Variants in FNBP1L observed in about 807,000 individuals in gnomAD.
FNBP1L encodes the protein formin binding protein 1 like.
FNBP1L carries 36 observed loss-of-function variants against 91.2 expected under a neutral mutation model. That is an observed-to-expected ratio of 0.39 (90% CI 0.30 to 0.52). The LOEUF (loss-of-function observed/expected upper bound fraction) is 0.52. Among genes scored for constraint, FNBP1L ranks in the 20% least tolerant of loss-of-function variants. FNBP1L has a pLI of 0.66. For synonymous variants in FNBP1L, 242 were observed against 237.0 expected (o/e 1.02, Z -0.19); for missense variants, 571 against 732.1 (o/e 0.78, Z 2.54).
intron 2 of FNBP1L, among the ~76,000 whole-genome samples, chr1:93,515,820 C>A (rs193054266): frequency 1.6e-3 from 250 of 151,572 alleles, no homozygotes; most frequent in Non-Finnish European, 2.8e-3. Flanking sequence ...TGCTAGATGA[C>A]GAGTTAGTGA....
chr1:93,523,518 G>A, intron 4 of FNBP1L, 27 bp downstream of exon 4: 1 of 1,579,990 alleles, frequency 6.3e-7, no homozygotes, highest in Non-Finnish European at 8.6e-7. Flanking sequence ...TCATCCAATT[G>A]CAATAGTATA....
Position 93,524,323 on chromosome 1 carries a change from T to C in FNBP1L, c.405T>C (p.Asn135=), listed in dbSNP as rs745858363. The change falls in exon 5 of 17, where the codon AAT becomes AAC. Residue 135 remains asparagine (N), a splice_region_variant and synonymous_variant. Coordinates refer to ENST00000271234, the MANE Select transcript of FNBP1L (RefSeq NM_001164473.3). ...ACATGTGCTGGAAACAGATGGATAATGTGAGTTATGACATTTTCATGGTTA... is the reference window on the plus strand; with the variant it reads ...ACATGTGCTGGAAACAGATGGATAACGTGAGTTATGACATTTTCATGGTTA... The part of the protein sequence containing the change: ...YLDMCWKQMD[N]SKKKFERECR... 108 of 1,497,144 alleles carry C rather than the reference T, an allele frequency of 7.2e-5. 1 individual carries two copies. Among genetic ancestry groups the C allele is most frequent in the Non-Finnish European group, 2.8e-5 (31 of 1,121,730 alleles). The allele number at this position is 1,497,144 out of a possible 1,614,324, so 92.7% of individuals were successfully genotyped here. A position where few individuals can be genotyped will look rare whatever the true frequency, so the allele number is the denominator to read the frequency against.
chr1:93,448,231 G>GCCGACAGACTGAAGGACAGCGGCA lies in FNBP1L; in HGVS notation c.-47_-24dup. The GCCGACAGACTGAAGGACAGCGGCA allele has an allele frequency of 6.6e-7, 1 of 1,520,332 alleles. No individual in the cohort carries two copies. Among genetic ancestry groups the GCCGACAGACTGAAGGACAGCGGCA allele is most frequent in the East Asian group, 2.8e-5 (1 of 36,050 alleles). The allele number at this position is 1,520,332 out of a possible 1,614,324, so 94.2% of individuals were successfully genotyped here. On this transcript the variant is annotated 5_prime_UTR_variant, in exon 1 of 17. Coordinates refer to ENST00000271234, the MANE Select transcript of FNBP1L (RefSeq NM_001164473.3). ...AGTGAGAGGTCGGACAGACTGTGGAGCCGACAGACTGAAGGACAGCGGCAC... is the reference window on the plus strand; with the variant it reads ...AGTGAGAGGTCGGACAGACTGTGGAGCCGACAGACTGAAGGACAGCGGCACCGACAGACTGAAGGACAGCGGCAC...
chr1:93,463,973 A>G (rs1668986079), intron 1 of FNBP1L, among the ~76,000 whole-genome samples: 1 of 152,200 alleles, frequency 6.6e-6, no homozygotes, highest in African/African-American at 2.4e-5. Context: ...GCATAATGCC[A>G]TGAATCCAAG....
chr1:93,499,189 G>T (rs1670362895), intron 1 of FNBP1L, among the ~76,000 whole-genome samples: 1 of 152,144 alleles, frequency 6.6e-6, no homozygotes, highest in Non-Finnish European at 1.5e-5. Flanking sequence ...GGATAGGGGG[G>T]ATTTGGGGAA....
intron 1 of FNBP1L, among the ~76,000 whole-genome samples, chr1:93,458,568 A>AT (rs1668753302): frequency 1.3e-5 from 2 of 152,206 alleles, no homozygotes. Context: ...CTGGGCAGAG[A>AT]TTTTTTAGTT....
At chr1:93,464,859 G>C (rs1228051788) in intron 1 of FNBP1L, among the ~76,000 whole-genome samples, 1 of 152,126 alleles carries the variant, frequency 6.6e-6, no homozygotes, top group Non-Finnish European at 1.5e-5. Context: ...ATTGAGGCTT[G>C]AGTATAACAT....
intron 1 of FNBP1L, among the ~76,000 whole-genome samples, chr1:93,452,243 A>T (rs932314701): frequency 3.3e-5 from 5 of 152,184 alleles, no homozygotes; most frequent in Admixed American, 3.3e-4. Context: ...TTAATAGTTG[A>T]TTGCATTACC....
intron 1 of FNBP1L, among the ~76,000 whole-genome samples, chr1:93,455,531 C>A (rs957136720): frequency 6.6e-6 from 1 of 152,172 alleles, no homozygotes; most frequent in African/African-American, 2.4e-5. Flanking sequence ...GCATCCATGG[C>A]GAATACCAAT....
intron 1 of FNBP1L, among the ~76,000 whole-genome samples, chr1:93,454,336 CTGTG>C (rs55899862): frequency 2.5e-4 from 38 of 149,170 alleles, no homozygotes; most frequent in East Asian, 5.9e-4. Flanking sequence ...ATGGGTGTGT[CTGTG>C]TGTGTGTGTG....
intron 13 of FNBP1L, 149 bp from the exon 14 acceptor site, chr1:93,547,198 G>C (rs1471065866): frequency 1.1e-6 from 1 of 879,346 alleles, no homozygotes; most frequent in East Asian, 2.7e-5. Flanking sequence ...CAGCTATAAA[G>C]TTGATCCTTT....
At chr1:93,479,191 C>T (rs1669605013) in intron 1 of FNBP1L, among the ~76,000 whole-genome samples, 1 of 152,116 alleles carries the variant, frequency 6.6e-6, no homozygotes, top group Admixed American at 6.5e-5. Flanking sequence ...TCCCCAAAAC[C>T]AGCAGGTTTT....
chr1:93,510,985 T>C (rs940883483), intron 2 of FNBP1L, among the ~76,000 whole-genome samples: 1 of 152,172 alleles, frequency 6.6e-6, no homozygotes, highest in Non-Finnish European at 1.5e-5. Flanking sequence ...CTGATTGGTG[T>C]ACCTGAAAGT....
rs537909039 is a variant in FNBP1L at position 93,485,051 on chromosome 1, T to C, written c.25-14417T>C. 4.2e-4 allele frequency among the ~76,000 whole-genome samples: 64 copies of C among 151,678 alleles called. 1 individual carries two copies. The highest frequency in any genetic ancestry group is 1.4e-3 in the Admixed American group (21 of 15,190). On this transcript the variant is annotated intron_variant, in intron 1 of 16. Coordinates refer to ENST00000271234, the MANE Select transcript of FNBP1L (RefSeq NM_001164473.3). ...CTGTAGTCCCAGCTATTTGGAAGGC[T>C]GAGGCAGGAGGATTGCTTGAGCCCA...
At chr1:93,449,939 G>A (rs547788381) in intron 1 of FNBP1L, among the ~76,000 whole-genome samples, 46 of 151,710 alleles carry the variant, frequency 3.0e-4, no homozygotes, top group Admixed American at 9.2e-4. Context: ...GCATTCATTC[G>A]TTTTTATAAT....
chr1:93,500,418 G>A (rs564724917), intron 2 of FNBP1L, among the ~76,000 whole-genome samples: 1 of 152,242 alleles, frequency 6.6e-6, no homozygotes, highest in African/African-American at 2.4e-5. Flanking sequence ...ATATCCTGGA[G>A]AAGAATGATG....
chr1:93,531,354 G>A (rs901096753), intron 7 of FNBP1L, among the ~76,000 whole-genome samples: 1 of 152,158 alleles, frequency 6.6e-6, no homozygotes, highest in African/African-American at 2.4e-5. Context: ...CTTTGAGCTT[G>A]CTTATAAATC....
chr1:93,471,975 CCTGT>C (rs1669303193), intron 1 of FNBP1L, among the ~76,000 whole-genome samples: 2 of 152,084 alleles, frequency 1.3e-5, no homozygotes, highest in South Asian at 2.1e-4. Flanking sequence ...GTGATTCTTG[CCTGT>C]CTGAGAAATG....
chr1:93,476,575 A>T (rs1426097375), intron 1 of FNBP1L, among the ~76,000 whole-genome samples: 1 of 152,170 alleles, frequency 6.6e-6, no homozygotes, highest in Non-Finnish European at 1.5e-5. Context: ...TAAGTAAGTA[A>T]AATTCTGTAA....
Sources: allele counts gnomAD v4.1 joint callset (sites outside exome capture counted in the v4.1 genomes callset), GRCh38; gene constraint gnomAD v4.1.1; transcripts MANE v1.5; gene names NCBI Gene and HGNC (gene_info 2026-07-23, HGNC 2026-07-21).